Variants in STRAP observed in about 807,000 individuals in gnomAD.
STRAP encodes the protein serine-threonine kinase receptor-associated protein.
A neutral mutation model predicts 47.0 loss-of-function variants in STRAP; 16 were observed. That is an observed-to-expected ratio of 0.34 (90% CI 0.23 to 0.52). STRAP has a LOEUF of 0.52. Among genes scored for constraint, STRAP ranks in the 20% least tolerant of loss-of-function variants. The probability of loss-of-function intolerance (pLI) is 0.96; values close to 1 mark genes in which losing one functional copy is unlikely to be tolerated. For missense variants in STRAP, 293 were observed against 420.0 expected (o/e 0.70, Z 2.64); for synonymous variants, 130 against 142.7 (o/e 0.91, Z 0.63).
chr12:15,891,833 G>T (rs900124767), intron 4 of STRAP, among the ~76,000 whole-genome samples: 1 of 151,862 alleles, frequency 6.6e-6, no homozygotes, highest in Non-Finnish European at 1.5e-5. Flanking sequence ...TAATTCCCAG[G>T]TACTCAGGAG....
rs571909647 is a variant in STRAP, at chr12:15,903,019, C to G, written c.*41C>G. ...GCAGTTAGTATACAACTGACTAAAACAAGCAAGCAGAGAAAAGCATCAGCC... is the reference window on the plus strand; with the variant it reads ...GCAGTTAGTATACAACTGACTAAAAGAAGCAAGCAGAGAAAAGCATCAGCC... On this transcript the variant is annotated 3_prime_UTR_variant, in exon 10 of 10. Coordinates refer to ENST00000419869, the MANE Select transcript of STRAP (RefSeq NM_007178.4). 157 of 1,360,772 alleles carry G rather than the reference C, an allele frequency of 1.2e-4. 6 individuals are homozygous for G. In the South Asian group the frequency reaches 2.2e-3, roughly 19 times the overall value. 84.3% of individuals were successfully genotyped at this position (1,360,772 alleles called of 1,614,324 possible).
chr12:15,902,176 G>A (rs1948109409), intron 9 of STRAP, among the ~76,000 whole-genome samples: 1 of 152,102 alleles, frequency 6.6e-6, no homozygotes, highest in Non-Finnish European at 1.5e-5. Context: ...GTTTCACCAT[G>A]TTGATCAGGC....
At position 15,903,143 on chromosome 12, in the gene STRAP, T is replaced by A; in HGVS notation, c.*165T>A. The stretch of plus-strand genomic sequence containing the variant: ...AACAACTAACTAACTTGGTGTTACC[T>A]GTAAGTGAAAACTCAAGTGTCAGAT... On this transcript the variant is annotated 3_prime_UTR_variant, in exon 10 of 10. Coordinates refer to ENST00000419869, the MANE Select transcript of STRAP (RefSeq NM_007178.4). 1.5e-6 allele frequency: 1 copy of A among 660,092 alleles called. No homozygotes were observed. Among genetic ancestry groups the A allele is most frequent in the Non-Finnish European group, 2.3e-6 (1 of 441,564 alleles). The allele number at this position is 660,092 out of a possible 1,614,324, so 40.9% of individuals were successfully genotyped here.
chr12:15,902,051 A>G lies in STRAP; in HGVS notation c.992-866A>G, dbSNP rs144878824. On this transcript the variant is annotated intron_variant, in intron 9 of 9. Coordinates refer to ENST00000419869, the MANE Select transcript of STRAP (RefSeq NM_007178.4). ...GAGTGCAGTGGCATGATCTCGACTC[A>G]CTGCAGCCTCCGCCTCTGGTTTCAA... Among the ~76,000 whole-genome samples, 1,263 of 152,078 alleles carry G rather than the reference A, an allele frequency of 8.3e-3. 20 individuals are homozygous for G. Among genetic ancestry groups the G allele is most frequent in the African/African-American group, 0.029 (1,198 of 41,468 alleles).
chr12:15,898,820 G>A (rs1349991294), intron 7 of STRAP, among the ~76,000 whole-genome samples: 1 of 152,002 alleles, frequency 6.6e-6, no homozygotes, highest in African/African-American at 2.4e-5. Flanking sequence ...TAGCTGCCCT[G>A]CTTTACCAAA....
chr12:15,891,944 GAA>G lies in STRAP; in HGVS notation c.403+1286_403+1287del, dbSNP rs11339298. On this transcript the variant is annotated intron_variant, in intron 4 of 9. Coordinates refer to ENST00000419869, the MANE Select transcript of STRAP (RefSeq NM_007178.4). The stretch of plus-strand genomic sequence containing the variant: ...CAAGAGCAAAACTCCTTCTCAAAAA[GAA>G]AAAAAAAAAATGAATTGTTGGAAGC... Among the ~76,000 whole-genome samples, 979 of 138,672 alleles carry G rather than the reference GAA, an allele frequency of 7.1e-3. 10 individuals are homozygous for G. The highest frequency in any genetic ancestry group is 0.024 in the African/African-American group (933 of 38,834). The allele number at this position is 138,672 out of a possible 152,430, so 91.0% of individuals were successfully genotyped here.
chr12:15,882,989 A>G, intron 1 of STRAP, 170 bp downstream of exon 1: 4 of 1,438,940 alleles, frequency 2.8e-6, no homozygotes, highest in Middle Eastern at 1.8e-4. Flanking sequence ...GTGTTAGGGA[A>G]TCCGCAGCTG....
intron 6 of STRAP, 123 bp downstream of exon 6, chr12:15,895,619 A>G (rs1171158282): frequency 4.9e-6 from 5 of 1,027,448 alleles, no homozygotes; most frequent in East Asian, 6.0e-5. Flanking sequence ...GCTTATGCCT[A>G]TAATCGCAGT....
At position 15,894,427 on chromosome 12, in the gene STRAP, C is replaced by G. The variant is rs1333717723; in HGVS notation, c.500+284C>G. Among the ~76,000 whole-genome samples, 3 of 152,230 alleles carry G rather than the reference C, an allele frequency of 2.0e-5. No individual in the cohort carries two copies. Among genetic ancestry groups the G allele is most frequent in the African/African-American group, 4.8e-5 (2 of 41,462 alleles). On this transcript the variant is annotated intron_variant, in intron 5 of 9. Transcript: ENST00000419869. The surrounding 1 kb of genome is among the most constrained non-coding windows in gnomAD (Gnocchi z 4.9). ...TGAGTCGAGATCGTGCCATTGCACT[C>G]TAGCCTGGGCGACAGAGCTAGACTG...
intron 5 of STRAP, among the ~76,000 whole-genome samples, 153 bp from the exon 6 acceptor site, chr12:15,895,206 T>G (rs1353484709): frequency 2.0e-5 from 3 of 152,234 alleles, no homozygotes; most frequent in Non-Finnish European, 4.4e-5. Flanking sequence ...AACCCAGAAT[T>G]TTTTTTAATC....
intron 2 of STRAP, among the ~76,000 whole-genome samples, chr12:15,884,533 A>G (rs1035071717): frequency 1.3e-5 from 2 of 148,678 alleles, no homozygotes; most frequent in African/African-American, 2.5e-5. Flanking sequence ...CTTTTTTACT[A>G]TATATTTATA....
At position 15,883,111 on chromosome 12, in the gene STRAP, G is replaced by C. The variant is rs142153082; in HGVS notation, c.112+292G>C. The C allele has an allele frequency of 3.1e-5, 48 of 1,535,538 alleles. No individual in the cohort carries two copies. In the East Asian group the frequency reaches 9.0e-4, roughly 29 times the overall value. ...CTGGTCAGCATTTGCCTAGACTCTC[G>C]GGACAACACGGTAAATAGCTTTCAA... On this transcript the variant is annotated intron_variant, in intron 1 of 9. Transcript: ENST00000419869.
chr12:15,883,744 T>A, intron 2 of STRAP, 68 bp downstream of exon 2: 1 of 1,575,392 alleles, frequency 6.3e-7, no homozygotes, highest in Non-Finnish European at 8.6e-7. Flanking sequence ...ATCAAAAACT[T>A]CAGTGTCAGA....
rs200245531 is a variant in STRAP, at chr12:15,883,583, T to A, written c.155T>A (p.Ile52Asn). Residue 52 changes from isoleucine to asparagine, a missense_variant, in exon 2 of 10, where the codon ATT (isoleucine) becomes AAT (asparagine). Ile to Asn is a moderately radical substitution (Grantham distance 149). Around this residue, in one of 5 missense-constraint regions of STRAP, gnomAD observed 32 missense variants for 76.1 expected, o/e 0.42. Transcript: ENST00000419869. ...MLRQGDTGDW[I>N]GTFLGHKGAV... ...CGCCAGGGAGATACAGGAGACTGGA[T>A]TGGAACATTTTTGGGTCATAAAGGT... 1 of 1,614,070 alleles carries A rather than the reference T, an allele frequency of 6.2e-7. No individual in the cohort carries two copies. The highest frequency in any genetic ancestry group is 2.2e-5 in the East Asian group (1 of 44,888).
At chr12:15,900,645 A>C (rs1948095549) in intron 8 of STRAP, among the ~76,000 whole-genome samples, 1 of 152,216 alleles carries the variant, frequency 6.6e-6, no homozygotes, top group Non-Finnish European at 1.5e-5. Flanking sequence ...AAGAATTTAC[A>C]AGTAAATGTA....
In STRAP at chr12:15,901,381, C is replaced by T. The variant is rs79768081; in HGVS notation, c.991+369C>T. 3.6e-3 allele frequency among the ~76,000 whole-genome samples: 550 copies of T among 152,108 alleles called. 5 individuals are homozygous for T. Among genetic ancestry groups the T allele is most frequent in the African/African-American group, 0.012 (500 of 41,492 alleles). On this transcript the variant is annotated intron_variant, in intron 9 of 9. Transcript: ENST00000419869. ...TGAGCAGAAATGATTTAGGTGAGGT[C>T]ATGAGAGGGGGTGTTGGTAGGGACA...
At chr12:15,899,356 A>G (rs1948084818) in intron 7 of STRAP, among the ~76,000 whole-genome samples, 1 of 152,244 alleles carries the variant, frequency 6.6e-6, no homozygotes, top group Non-Finnish European at 1.5e-5. Flanking sequence ...CCTAATCTAT[A>G]CATTTTCTCA....
rs1384379443 is a variant in STRAP, at chr12:15,894,550, A to G, written c.500+407A>G. 6.6e-6 allele frequency among the ~76,000 whole-genome samples: 1 copy of G among 152,238 alleles called. No individual in the cohort carries two copies. The highest frequency in any genetic ancestry group is 2.4e-5 in the African/African-American group (1 of 41,454). The stretch of plus-strand genomic sequence containing the variant: ...ATTATGTGTGAAAAATGTTCTGAAC[A>G]TTAAAATTTAAGTTGCACCCAGGTC... On this transcript the variant is annotated intron_variant, in intron 5 of 9. Transcript: ENST00000419869. The surrounding 1 kb of genome is among the most constrained non-coding windows in gnomAD (Gnocchi z 4.9).
At chr12:15,900,881 TATTG>T in intron 8 of STRAP, 62 bp from the exon 9 acceptor site, 1 of 1,333,086 alleles carries the variant, frequency 7.5e-7, no homozygotes. Context: ...TCTTCTTGCT[TATTG>T]AACACTGGAA....
Sources: allele counts gnomAD v4.1 joint callset (sites outside exome capture counted in the v4.1 genomes callset), GRCh38; gene constraint gnomAD v4.1.1; regional missense constraint gnomAD v4.1.1; non-coding constraint Gnocchi (gnomAD v3.1); transcripts MANE v1.5; gene names NCBI Gene and HGNC (gene_info 2026-07-23, HGNC 2026-07-21).